Variants in TRIM55 observed in about 807,000 individuals in gnomAD.
TRIM55 encodes the protein tripartite motif containing 55.
A neutral mutation model predicts 60.9 loss-of-function variants in TRIM55; 50 were observed. The observed-to-expected ratio is 0.82, with a 90% confidence interval of 0.65 to 1.04. TRIM55 has a LOEUF of 1.04. TRIM55 is among the 50% of genes least tolerant of loss of function. The pLI, the probability that TRIM55 is intolerant of heterozygous loss-of-function variation, is 0.00. For synonymous variants in TRIM55, 237 were observed against 238.1 expected, an observed-to-expected ratio of 1.00 and a Z score of 0.04; for missense variants, 681 against 666.9, an observed-to-expected ratio of 1.02 and a Z score of -0.23.
intron 2 of TRIM55, among the ~76,000 whole-genome samples, chr8:66,133,934 AACACAC>A (rs148139671): frequency 6.6e-5 from 10 of 151,118 alleles, no homozygotes; most frequent in Non-Finnish European, 4.4e-5. Context: ...CACATACACA[AACACAC>A]ACACACACAC....
chr8:66,114,082 A>ACCCCCCCCC, the TRIM55 span, among the ~76,000 whole-genome samples: 7 of 75,326 alleles, frequency 9.3e-5, no homozygotes, highest in Non-Finnish European at 1.2e-4. Context: ...AAGGAGAGAC[A>ACCCCCCCCC]CCCCCCCCCC....
At chr8:66,162,449 A>G (rs537708288) in intron 9 of TRIM55, among the ~76,000 whole-genome samples, 2 of 150,564 alleles carry the variant, frequency 1.3e-5, no homozygotes, top group South Asian at 2.1e-4. Context: ...TTTTGCATCT[A>G]TGTTCATCAG....
At chr8:66,115,527 G>A in the TRIM55 span, among the ~76,000 whole-genome samples, 1 of 152,180 alleles carries the variant, frequency 6.6e-6, no homozygotes, top group Admixed American at 6.5e-5. Context: ...TAAGTCAAAG[G>A]AATAGGAAGT....
chr8:66,163,219 C>G (rs551314784), intron 9 of TRIM55, among the ~76,000 whole-genome samples: 2 of 152,094 alleles, frequency 1.3e-5, no homozygotes, highest in Admixed American at 6.5e-5. Flanking sequence ...TTAAAAAAAA[C>G]CCAGCTTTTG....
At chr8:66,158,621 T>C (rs1454433879) in intron 9 of TRIM55, among the ~76,000 whole-genome samples, 1 of 152,230 alleles carries the variant, frequency 6.6e-6, no homozygotes, top group Non-Finnish European at 1.5e-5. Context: ...AAAAATCTAG[T>C]ACTAGGAATT....
At chr8:66,151,815 G>C (rs1810437588) in intron 7 of TRIM55, among the ~76,000 whole-genome samples, 1 of 151,688 alleles carries the variant, frequency 6.6e-6, no homozygotes, top group East Asian at 1.9e-4. Flanking sequence ...CTGCACTCCA[G>C]CCTGGGTGAC....
At chr8:66,147,794 C>CAAAA (rs1180935272) in intron 4 of TRIM55, among the ~76,000 whole-genome samples, 1 of 44,170 alleles carries the variant, frequency 2.3e-5, no homozygotes, top group African/African-American at 7.5e-5. Flanking sequence ...GACTCCATCT[C>CAAAA]AAAAAAAAAA....
intron 3 of TRIM55, among the ~76,000 whole-genome samples, chr8:66,136,062 T>C (rs1194474461): frequency 6.6e-6 from 1 of 152,258 alleles, no homozygotes; most frequent in Non-Finnish European, 1.5e-5. Flanking sequence ...CAATTACAGC[T>C]AGTGGCCACT....
intron 9 of TRIM55, among the ~76,000 whole-genome samples, chr8:66,172,031 C>A (rs1002396510): frequency 2.0e-5 from 3 of 150,636 alleles, no homozygotes; most frequent in African/African-American, 7.4e-5. Context: ...GGCAGAGGAG[C>A]CTCTTCACTG....
At chr8:66,162,994 T>C (rs559735785) in intron 9 of TRIM55, among the ~76,000 whole-genome samples, 3 of 152,308 alleles carry the variant, frequency 2.0e-5, no homozygotes, top group Admixed American at 1.3e-4. Context: ...TAAAAGGCTA[T>C]CCTTTTCCTC....
Position 66,142,019 on chromosome 8 carries a change from A to G in TRIM55, c.603+4829A>G, listed in dbSNP as rs1809844644. The stretch of plus-strand genomic sequence containing the variant: ...TGAGTTTTAGTTCTGTTGCTTAATT[A>G]CACGACACTGGGCATGTTACTTAAG... On this transcript the variant is annotated intron_variant, in intron 4 of 9. Coordinates refer to ENST00000315962, the MANE Select transcript of TRIM55 (RefSeq NM_184085.2). 2.0e-5 allele frequency among the ~76,000 whole-genome samples: 3 copies of G among 152,244 alleles called. 1 individual carries two copies. The South Asian group carries it at 6.2e-4, about 31-fold the overall frequency.
chr8:66,127,945 GTTTTA>G, intron 1 of TRIM55, among the ~76,000 whole-genome samples: 1 of 152,284 alleles, frequency 6.6e-6, no homozygotes, highest in South Asian at 2.1e-4. Flanking sequence ...CCCAAATCTA[GTTTTA>G]TTTTAATACT....
At chr8:66,161,776 G>C (rs7828111) in intron 9 of TRIM55, among the ~76,000 whole-genome samples, 25,066 of 133,900 alleles carry the variant, frequency 0.19, 3,880 homozygotes, top group African/African-American at 0.44. Flanking sequence ...TTTTTTGCAA[G>C]TATTGTGAAA....
rs1051264202 is a variant in TRIM55, at chr8:66,147,809, A to G, written c.604-1836A>G. Among the ~76,000 whole-genome samples the G allele has an allele frequency of 1.1e-4, 16 of 147,234 alleles. 1 individual carries two copies. The highest frequency in any genetic ancestry group is 4.0e-4 in the African/African-American group (15 of 37,480). On this transcript the variant is annotated intron_variant, in intron 4 of 9. Transcript: ENST00000315962. ...GACTCCATCTCAAAAAAAAAAAAAA[A>G]AAAAAAAACCACAAAATCTATTCAA...
In TRIM55 at chr8:66,150,202, T is replaced by G. The variant is rs759284879; in HGVS notation, c.838-15T>G. ...AAATAATTTAAGTAAGACTATCTTT[T>G]GTTTGCTTTCACAGAATGCCAAAAC... On this transcript the variant is annotated splice_polypyrimidine_tract_variant and intron_variant, in intron 5 of 9. Transcript: ENST00000315962. The G allele has an allele frequency of 6.2e-7, 1 of 1,611,810 alleles. No individual in the cohort carries two copies. The highest frequency in any genetic ancestry group is 1.1e-5 in the South Asian group (1 of 90,464).
At chr8:66,135,463 T>C (rs1809431092) in intron 3 of TRIM55, among the ~76,000 whole-genome samples, 1 of 152,196 alleles carries the variant, frequency 6.6e-6, no homozygotes, top group Non-Finnish European at 1.5e-5. Context: ...TGATGAGCAA[T>C]GTTAGGGGAC....
At chr8:66,161,078 G>T (rs1183203796) in intron 9 of TRIM55, among the ~76,000 whole-genome samples, 1 of 151,930 alleles carries the variant, frequency 6.6e-6, no homozygotes, top group Non-Finnish European at 1.5e-5. Flanking sequence ...TGGATTCTTG[G>T]TCATGAAGTC....
intron 4 of TRIM55, among the ~76,000 whole-genome samples, chr8:66,148,302 A>C: frequency 6.6e-6 from 1 of 152,258 alleles, no homozygotes; most frequent in Non-Finnish European, 1.5e-5. Flanking sequence ...GCCACACAAC[A>C]CAAATGTGCA....
chr8:66,113,466 T>G, the TRIM55 span: 26 of 452,874 alleles, frequency 5.7e-5, no homozygotes, highest in Admixed American at 2.4e-5. Context: ...AGGAGACAAG[T>G]GCGGTTTTTT....
Sources: gnomAD v4.1 joint callset for allele counts (sites outside exome capture counted in the v4.1 genomes callset) on GRCh38, gnomAD v4.1.1 for gene constraint, MANE v1.5 for transcripts, NCBI Gene and HGNC (gene_info 2026-07-23, HGNC 2026-07-21) for gene names.